Variants in DNMBP observed in about 807,000 individuals in gnomAD.
The protein encoded by DNMBP is dynamin binding protein.
Under a neutral mutation model 150.0 loss-of-function variants are expected in DNMBP, and 87 were observed. The ratio of observed to expected loss-of-function variants is 0.58; its 90% CI spans 0.49 to 0.69. The LOEUF is 0.69. Ranked by LOEUF, DNMBP falls within the 30% of genes least tolerant of loss-of-function variation. The pLI, the probability that DNMBP is intolerant of heterozygous loss-of-function variation, is 0.00. For missense variants in DNMBP, 1,774 were observed against 1,949.0 expected, an observed-to-expected ratio of 0.91 and a Z score of 1.69; for synonymous variants, 711 against 750.4, an observed-to-expected ratio of 0.95 and a Z score of 0.86.
chr10:99,928,462 A>G (rs1157997612), intron 4 of DNMBP, among the ~76,000 whole-genome samples: 2 of 152,226 alleles, frequency 1.3e-5, no homozygotes, highest in East Asian at 3.8e-4. Flanking sequence ...CAGAACCAGA[A>G]AGGCCGTTTG....
At chr10:99,997,610 G>C (rs372907790) in intron 1 of DNMBP, among the ~76,000 whole-genome samples, 4 of 152,016 alleles carry the variant, frequency 2.6e-5, no homozygotes, top group African/African-American at 9.7e-5. Context: ...GAGAATAAAC[G>C]ACCAGTTTCT....
chr10:100,009,259 G>A (rs1029608770), intron 1 of DNMBP, among the ~76,000 whole-genome samples: 3 of 152,228 alleles, frequency 2.0e-5, no homozygotes, highest in Non-Finnish European at 2.9e-5. Flanking sequence ...CACCCTTTGA[G>A]ACACAGATGC....
At chr10:99,995,405 A>G (rs1803811756) in intron 1 of DNMBP, among the ~76,000 whole-genome samples, 1 of 152,050 alleles carries the variant, frequency 6.6e-6, no homozygotes. Context: ...TTCCCCATCC[A>G]TCACTTGCAG....
chr10:99,885,842 CCT>C lies in DNMBP; in HGVS notation c.3641_3642del (p.Glu1214GlyfsTer36). 1 of 1,612,930 alleles carries C rather than the reference CCT, an allele frequency of 6.2e-7. No homozygotes were observed. The highest frequency in any genetic ancestry group is 8.5e-7 in the Non-Finnish European group (1 of 1,179,566). Reference sequence around the variant, plus strand: ...TCGTGGAAGATGGCAATAAGGTTTCCCTCTCTGCCAGCCACTTTGAGTAACTG... The same window carrying C: ...TCGTGGAAGATGGCAATAAGGTTTCCCTCTGCCAGCCACTTTGAGTAACTG... ...LLSLLKVAGR[E>X]GNLIAIFHEE... is the part of the protein sequence containing the mutation. On this transcript the variant is annotated frameshift_variant, in exon 14 of 17. Coordinates refer to ENST00000324109, the MANE Select transcript of DNMBP (RefSeq NM_015221.4). LOFTEE classifies it high-confidence loss of function.
rs1589458237 is a variant in DNMBP at position 100,005,786 on chromosome 10, C to CAAAAAAAAAAAAAA, written c.-11+4051_-11+4052insTTTTTTTTTTTTTT. ...CTCCAAAAAAAAAAAAAAAAAAAAC[C>CAAAAAAAAAAAAAA]AAACTACATAAAGGAAAATGAATTA... On this transcript the variant is annotated intron_variant, in intron 1 of 16. Coordinates refer to ENST00000324109, the MANE Select transcript of DNMBP (RefSeq NM_015221.4). 3.1e-3 allele frequency among the ~76,000 whole-genome samples: 308 copies of CAAAAAAAAAAAAAA among 100,856 alleles called. 14 individuals are homozygous for CAAAAAAAAAAAAAA. The highest frequency in any genetic ancestry group is 7.9e-3 in the South Asian group (25 of 3,154). 66.2% of individuals were successfully genotyped at this position (100,856 alleles called of 152,430 possible).
At chr10:99,888,780 A>G (rs2039511215) in intron 12 of DNMBP, 45 bp downstream of exon 12, 1 of 1,610,900 alleles carries the variant, frequency 6.2e-7, no homozygotes, top group African/African-American at 1.3e-5. Flanking sequence ...TGTATTTGAG[A>G]TGACCCTGGG....
At chr10:99,913,985 T>A in intron 4 of DNMBP, 1 of 1,487,870 alleles carries the variant, frequency 6.7e-7, no homozygotes, top group African/African-American at 1.4e-5. Flanking sequence ...TGTGTGGAGG[T>A]GTGGGCCTGA....
intron 4 of DNMBP, among the ~76,000 whole-genome samples, chr10:99,944,511 T>C (rs752672910): frequency 6.6e-6 from 1 of 152,230 alleles, no homozygotes; most frequent in African/African-American, 2.4e-5. Context: ...TTGAAGGTAG[T>C]GTGCTTGAGA....
intron 4 of DNMBP, chr10:99,930,930 G>T: frequency 2.0e-6 from 1 of 506,970 alleles, no homozygotes. Flanking sequence ...GTGAGATGTG[G>T]AGTTATTTCA....
At chr10:99,897,496 G>A (rs959595768) in intron 9 of DNMBP, among the ~76,000 whole-genome samples, 4 of 152,160 alleles carry the variant, frequency 2.6e-5, no homozygotes, top group Admixed American at 6.5e-5. Context: ...GAAACTGCCC[G>A]TGCTCGAATA....
At chr10:99,928,689 C>T (rs2040110180) in intron 4 of DNMBP, among the ~76,000 whole-genome samples, 1 of 152,136 alleles carries the variant, frequency 6.6e-6, no homozygotes, top group South Asian at 2.1e-4. Flanking sequence ...GATTTGAAAG[C>T]TAGAAATAAT....
chr10:99,986,395 G>A (rs989768414), intron 1 of DNMBP, among the ~76,000 whole-genome samples: 2 of 151,988 alleles, frequency 1.3e-5, no homozygotes, highest in East Asian at 3.9e-4. Flanking sequence ...GATATGTTCT[G>A]GTAAAGGACG....
intron 11 of DNMBP, among the ~76,000 whole-genome samples, chr10:99,893,497 A>G (rs1397847531): frequency 6.6e-6 from 1 of 152,242 alleles, no homozygotes; most frequent in East Asian, 1.9e-4. Flanking sequence ...ACACTTTGGA[A>G]GACCAAGGTG....
intron 11 of DNMBP, among the ~76,000 whole-genome samples, chr10:99,892,211 G>C (rs1202690636): frequency 1.3e-5 from 2 of 150,378 alleles, no homozygotes; most frequent in African/African-American, 2.5e-5. Flanking sequence ...CCCCGTCCGG[G>C]AGGTGAGGGG....
rs367604406 is a variant in DNMBP, at chr10:99,950,177, G to A, written c.2260+5037C>T. 1.4e-4 allele frequency among the ~76,000 whole-genome samples: 21 copies of A among 152,258 alleles called. 1 individual carries two copies. Among genetic ancestry groups the A allele is most frequent in the African/African-American group, 3.4e-4 (14 of 41,548 alleles). On this transcript the variant is annotated intron_variant, in intron 4 of 16. Transcript: ENST00000324109. ...TGTTTTGAAAAACGGGAGTCTTCCCGCACAAGCTCTCTCTTTGCCAGCTGC... is the reference window on the plus strand; with the variant it reads ...TGTTTTGAAAAACGGGAGTCTTCCCACACAAGCTCTCTCTTTGCCAGCTGC...
chr10:99,997,636 C>A (rs1038452140), intron 1 of DNMBP, among the ~76,000 whole-genome samples: 1 of 151,990 alleles, frequency 6.6e-6, no homozygotes, highest in South Asian at 2.1e-4. Context: ...AAATAAATTA[C>A]AAGCAAAAAA....
intron 1 of DNMBP, among the ~76,000 whole-genome samples, chr10:99,983,135 G>A (rs998399734): frequency 2.6e-5 from 4 of 152,100 alleles, no homozygotes; most frequent in African/African-American, 7.2e-5. Flanking sequence ...GCAGTCCAGC[G>A]GAGGTTCCTT....
At chr10:99,934,605 G>A (rs1303770683) in intron 4 of DNMBP, among the ~76,000 whole-genome samples, 1 of 136,068 alleles carries the variant, frequency 7.3e-6, no homozygotes, top group Admixed American at 7.7e-5. Context: ...TAGGATTACT[G>A]AGGAAGAAGC....
chr10:99,886,462 C>T lies in DNMBP; in HGVS notation c.3456G>A (p.Ser1152=), dbSNP rs767654949. The T allele has an allele frequency of 1.2e-5, 20 of 1,614,034 alleles. No individual in the cohort carries two copies. The highest frequency in any genetic ancestry group is 1.7e-5 in the Non-Finnish European group (20 of 1,180,042). ...KDKKTLEELQ[S]ARNNYEALNA... The stretch of plus-strand genomic sequence containing the variant: ...TCAGGGCCTCATAGTTGTTCCGGGC[C>T]GACTGCAGCTCCTCCAGGGTCTTCT... Residue 1152 remains serine (S), a synonymous_variant, in exon 13 of 17, where the codon TCG becomes TCA. Coordinates refer to ENST00000324109, the MANE Select transcript of DNMBP (RefSeq NM_015221.4).
Sources: allele counts gnomAD v4.1 joint callset (sites outside exome capture counted in the v4.1 genomes callset), GRCh38; gene constraint gnomAD v4.1.1; transcripts MANE v1.5; gene names NCBI Gene and HGNC (gene_info 2026-07-23, HGNC 2026-07-21).